The following FBXO22 variants were observed in gnomAD, a reference collection of about 807,000 sequenced individuals.
The protein encoded by FBXO22 is F-box protein 22, also known as F-box only protein 22.
In FBXO22, 13 loss-of-function variants were observed where a neutral mutation model predicts 37.2. That is an observed-to-expected ratio of 0.35 (90% CI 0.23 to 0.56). The LOEUF (loss-of-function observed/expected upper bound fraction) is 0.56, where lower values mean the gene tolerates loss of function less well. Among genes scored for constraint, FBXO22 ranks in the 20% least tolerant of loss-of-function variants. The pLI is 0.87. For synonymous variants in FBXO22, 189 were observed against 189.1 expected, an observed-to-expected ratio of 1.00 and a Z score of 0.00; for missense variants, 446 against 509.9, an observed-to-expected ratio of 0.87 and a Z score of 1.21.
intron 1 of FBXO22, 38 bp from the exon 2 acceptor site, chr15:75,904,453 A>T: frequency 3.7e-6 from 6 of 1,612,688 alleles, no homozygotes; most frequent in Non-Finnish European, 5.1e-6. Flanking sequence ...ACGAAAATGA[A>T]CGTCCGTTCG....
At chr15:75,910,169 G>C (rs1353828653) in intron 2 of FBXO22, among the ~76,000 whole-genome samples, 1 of 152,174 alleles carries the variant, frequency 6.6e-6, no homozygotes, top group Admixed American at 6.5e-5. Context: ...GTCTATCACT[G>C]ATGGGCATTT....
At chr15:75,925,474 T>G (rs118060355) in intron 5 of FBXO22, among the ~76,000 whole-genome samples, 329 of 151,668 alleles carry the variant, frequency 2.2e-3, no homozygotes, top group Non-Finnish European at 4.0e-3. Flanking sequence ...AGAACTTTAA[T>G]GACTTGTCAG....
rs1042710247 is a variant in FBXO22 at position 75,935,988 on chromosome 15, C to G, written c.*2886C>G. On this transcript the variant is annotated 3_prime_UTR_variant, in exon 7 of 7. Coordinates refer to ENST00000308275, the MANE Select transcript of FBXO22 (RefSeq NM_147188.3). ...ATTTTTAGTAGAGACGGGGTTTCAC[C>G]GTGTTAGCCAAGATGGTCTCGATCT... is the stretch of plus-strand genomic sequence containing the variant. 2.0e-5 allele frequency: 3 copies of G among 151,978 alleles called. No homozygotes were observed. Among genetic ancestry groups the G allele is most frequent in the Non-Finnish European group, 4.4e-5 (3 of 67,982 alleles). 9.4% of individuals were successfully genotyped at this position (151,978 alleles called of 1,614,324 possible). A position where few individuals can be genotyped will look rare whatever the true frequency, so the allele number is the denominator to read the frequency against.
At chr15:75,921,591 G>A (rs888619265) in intron 5 of FBXO22, among the ~76,000 whole-genome samples, 1 of 151,980 alleles carries the variant, frequency 6.6e-6, no homozygotes, top group Non-Finnish European at 1.5e-5. Flanking sequence ...AACCTGGGAG[G>A]CAGAGGTTGT....
rs2030169039 is a variant in FBXO22 at position 75,934,044 on chromosome 15, A to T, written c.*942A>T. 6.5e-6 allele frequency: 1 copy of T among 153,122 alleles called. No individual in the cohort carries two copies. The highest frequency in any genetic ancestry group is 1.5e-5 in the Non-Finnish European group (1 of 68,676). The allele number at this position is 153,122 out of a possible 1,614,324, so 9.5% of individuals were successfully genotyped here. ...TCAATATCCATTCTTTACTTTTCACATAATGATAGAACCTTTGATTTTTCA... is the reference window on the plus strand; with the variant it reads ...TCAATATCCATTCTTTACTTTTCACTTAATGATAGAACCTTTGATTTTTCA... On this transcript the variant is annotated 3_prime_UTR_variant, in exon 7 of 7. Transcript: ENST00000308275.
chr15:75,913,114 A>G (rs1229042270), intron 2 of FBXO22, 89 bp from the exon 3 acceptor site: 3 of 791,244 alleles, frequency 3.8e-6, no homozygotes, highest in African/African-American at 3.4e-5. Flanking sequence ...ATTTGATTGC[A>G]CTATGGACTG....
intron 6 of FBXO22, chr15:75,930,805 G>C: frequency 1.0e-6 from 1 of 985,276 alleles, no homozygotes. Context: ...ACTACTATTT[G>C]TTTCCCACTC....
intron 2 of FBXO22, among the ~76,000 whole-genome samples, chr15:75,904,845 A>AC (rs140556036): frequency 0.048 from 5,516 of 115,906 alleles, 214 homozygotes; most frequent in African/African-American, 0.12. Flanking sequence ...TTTTTTTGAG[A>AC]CGTAGTCTCG....
chr15:75,913,426 A>G (rs541532032), intron 3 of FBXO22, 136 bp downstream of exon 3: 4 of 563,258 alleles, frequency 7.1e-6, no homozygotes, highest in Non-Finnish European at 1.3e-5. Context: ...ATGCATCAAT[A>G]TATCTATCTT....
intron 5 of FBXO22, among the ~76,000 whole-genome samples, chr15:75,922,606 C>G (rs2141717951): frequency 6.6e-6 from 1 of 152,240 alleles, no homozygotes; most frequent in East Asian, 1.9e-4. Flanking sequence ...GTCATGGGAA[C>G]AAAGGGTGGG....
chr15:75,907,838 G>A (rs1030408293), intron 2 of FBXO22, among the ~76,000 whole-genome samples: 1 of 152,088 alleles, frequency 6.6e-6, no homozygotes, highest in African/African-American at 2.4e-5. Flanking sequence ...AGCTACTTGG[G>A]TAGCTGAGGT....
At chr15:75,905,023 C>T (rs1285203349) in intron 2 of FBXO22, among the ~76,000 whole-genome samples, 1 of 152,122 alleles carries the variant, frequency 6.6e-6, no homozygotes, top group Non-Finnish European at 1.5e-5. Context: ...TGGGGTTTCA[C>T]CGTGTTAGCC....
Position 75,934,949 on chromosome 15 carries a change from C to T in FBXO22, c.*1847C>T, listed in dbSNP as rs780018144. 11 of 152,140 alleles carry T rather than the reference C, an allele frequency of 7.2e-5. No individual in the cohort carries two copies. Among genetic ancestry groups the T allele is most frequent in the Non-Finnish European group, 1.5e-4 (10 of 68,024 alleles). 9.4% of individuals were successfully genotyped at this position (152,140 alleles called of 1,614,324 possible). A position where few individuals can be genotyped will look rare whatever the true frequency, so the allele number is the denominator to read the frequency against. On this transcript the variant is annotated 3_prime_UTR_variant, in exon 7 of 7. Transcript: ENST00000308275. ...TTGCTGCTTCTCAAAGAGTCTGATA[C>T]AGGGTAATTTCATACAATATTTGAT...
intron 2 of FBXO22, among the ~76,000 whole-genome samples, chr15:75,911,898 G>A (rs557992551): frequency 2.7e-5 from 4 of 147,832 alleles, no homozygotes; most frequent in Non-Finnish European, 6.0e-5. Context: ...CTGGCTGTGG[G>A]TTTGTCATAA....
Position 75,936,181 on chromosome 15 carries a change from T to C in FBXO22, c.*3079T>C, listed in dbSNP as rs1374207273. ...TACCCAGTCTGGCCCAGGTTTGCAC[T>C]GCCATAAATTCAGTTTTAATGGGAA... On this transcript the variant is annotated 3_prime_UTR_variant, in exon 7 of 7. Coordinates refer to ENST00000308275, the MANE Select transcript of FBXO22 (RefSeq NM_147188.3). The C allele has an allele frequency of 6.6e-6, 1 of 152,218 alleles. No homozygotes were observed. Among genetic ancestry groups the C allele is most frequent in the Non-Finnish European group, 1.5e-5 (1 of 68,030 alleles). 9.4% of individuals were successfully genotyped at this position (152,218 alleles called of 1,614,324 possible).
intron 5 of FBXO22, among the ~76,000 whole-genome samples, chr15:75,925,489 CAAAAAAGT>C (rs1900419017): frequency 6.6e-6 from 1 of 151,406 alleles, no homozygotes; most frequent in Non-Finnish European, 1.5e-5. Flanking sequence ...TGTCAGATTC[CAAAAAAGT>C]GTGAAGAAGA....
Position 75,941,805 on chromosome 15 carries a change from C to G in FBXO22, c.*8703C>G, listed in dbSNP as rs1168331473. On this transcript the variant is annotated 3_prime_UTR_variant, in exon 7 of 7. Transcript: ENST00000308275. ...AGGGGCACAGAGATTAGTGTGGGATCATGAAAAAGTTCCGGAGGTGCATAG... is the reference window on the plus strand; with the variant it reads ...AGGGGCACAGAGATTAGTGTGGGATGATGAAAAAGTTCCGGAGGTGCATAG... The G allele has an allele frequency of 6.6e-6, 1 of 151,990 alleles. No homozygotes were observed. Among genetic ancestry groups the G allele is most frequent in the Non-Finnish European group, 1.5e-5 (1 of 67,942 alleles). The allele number at this position is 151,990 out of a possible 1,614,324, so 9.4% of individuals were successfully genotyped here.
At chr15:75,928,644 T>A (rs577705224) in intron 5 of FBXO22, among the ~76,000 whole-genome samples, 2 of 152,256 alleles carry the variant, frequency 1.3e-5, no homozygotes, top group South Asian at 4.2e-4. Flanking sequence ...ATGGGCTTAT[T>A]ACCTGGGTGA....
intron 6 of FBXO22, among the ~76,000 whole-genome samples, chr15:75,932,472 A>T (rs571840374): frequency 1.0e-3 from 154 of 152,184 alleles, no homozygotes; most frequent in Non-Finnish European, 1.9e-3. Flanking sequence ...TGTGACTGAA[A>T]AAAATGGTGG....
Sources: allele counts gnomAD v4.1 joint callset (sites outside exome capture counted in the v4.1 genomes callset), GRCh38; gene constraint gnomAD v4.1.1; transcripts MANE v1.5; gene names NCBI Gene and HGNC (gene_info 2026-07-23, HGNC 2026-07-21).